The following FHIT variants were observed in gnomAD, a reference collection of about 807,000 sequenced individuals.
FHIT encodes bis(5'-adenosyl)-triphosphatase.
A neutral mutation model predicts 17.9 loss-of-function variants in FHIT; 19 were observed. The ratio of observed to expected loss-of-function variants is 1.06; its 90% CI spans 0.74 to 1.56. The LOEUF is 1.56. FHIT is among the 40% of genes most tolerant of loss of function. The pLI is 0.00. For synonymous variants in FHIT, 81 were observed against 69.7 expected, an observed-to-expected ratio of 1.16 and a Z score of -0.81; for missense variants, 248 against 189.2, an observed-to-expected ratio of 1.31 and a Z score of -1.82.
At chr3:60,365,523 A>G (rs1700073636) in intron 5 of FHIT, among the ~76,000 whole-genome samples, 1 of 152,192 alleles carries the variant, frequency 6.6e-6, no homozygotes, top group African/African-American at 2.4e-5. Flanking sequence ...ACTCATTAAA[A>G]CAACTTTCTT....
chr3:60,481,334 G>C (rs752308516), intron 5 of FHIT, among the ~76,000 whole-genome samples: 5 of 152,124 alleles, frequency 3.3e-5, no homozygotes, highest in Admixed American at 6.5e-5. Flanking sequence ...ACACCACTAA[G>C]ATACTCCAGA....
At chr3:60,796,231 C>T (rs782518427) in intron 4 of FHIT, among the ~76,000 whole-genome samples, 12 of 152,096 alleles carry the variant, frequency 7.9e-5, no homozygotes, top group East Asian at 1.9e-4. Context: ...GGGGACACAG[C>T]GAAACCATAT....
intron 5 of FHIT, among the ~76,000 whole-genome samples, chr3:60,483,569 G>A (rs532067848): frequency 1.3e-5 from 2 of 152,002 alleles, no homozygotes; most frequent in Admixed American, 1.3e-4. Context: ...CAGAACCAAA[G>A]ACAAAAACCA....
intron 5 of FHIT, among the ~76,000 whole-genome samples, chr3:60,407,067 A>ATTT (rs34542104): frequency 0.052 from 3,253 of 62,910 alleles, 418 homozygotes; most frequent in African/African-American, 0.15. Flanking sequence ...CCTGCCAATA[A>ATTT]TTTTTTTTTT....
chr3:60,604,213 CAT>C (rs1332964469), intron 4 of FHIT, among the ~76,000 whole-genome samples: 8 of 152,164 alleles, frequency 5.3e-5, no homozygotes, highest in East Asian at 3.9e-4. Flanking sequence ...AGAGAGAAAA[CAT>C]AAAGAGAAAA....
At chr3:60,309,310 A>G (rs566576818) in intron 5 of FHIT, among the ~76,000 whole-genome samples, 1 of 152,148 alleles carries the variant, frequency 6.6e-6, no homozygotes, top group East Asian at 1.9e-4. Flanking sequence ...GGATGGTTAG[A>G]GGCTCTGGGA....
intron 5 of FHIT, among the ~76,000 whole-genome samples, chr3:60,113,496 T>C (rs535832975): frequency 8.6e-5 from 13 of 151,932 alleles, no homozygotes; most frequent in African/African-American, 9.7e-5. Context: ...GTGTTACATC[T>C]ACTATGCGCC....
intron 3 of FHIT, among the ~76,000 whole-genome samples, chr3:60,991,807 A>C (rs573034752): frequency 2.0e-5 from 3 of 152,174 alleles, no homozygotes; most frequent in Non-Finnish European, 4.4e-5. Context: ...TGTTATTATT[A>C]TTATTATTAT....
chr3:61,240,560 T>TTGA (rs2040350149), intron 1 of FHIT, among the ~76,000 whole-genome samples: 1 of 152,182 alleles, frequency 6.6e-6, no homozygotes. Flanking sequence ...ACTCCTTCAA[T>TTGA]CTGCTGTAAA....
At chr3:60,581,190 C>A (rs1436940739) in intron 4 of FHIT, among the ~76,000 whole-genome samples, 1 of 152,084 alleles carries the variant, frequency 6.6e-6, no homozygotes, top group Non-Finnish European at 1.5e-5. Flanking sequence ...GCCAAGAATA[C>A]TGACAAGCAC....
intron 5 of FHIT, among the ~76,000 whole-genome samples, chr3:60,426,787 G>A (rs1315926001): frequency 6.6e-6 from 1 of 152,062 alleles, no homozygotes; most frequent in Non-Finnish European, 1.5e-5. Flanking sequence ...ACATCTCTTG[G>A]CATGCAGTAG....
chr3:60,612,162 T>C (rs1406723671), intron 4 of FHIT, among the ~76,000 whole-genome samples: 1 of 152,100 alleles, frequency 6.6e-6, no homozygotes, highest in African/African-American at 2.4e-5. Flanking sequence ...TTTAGTGAAG[T>C]GGTCAAAGAG....
At chr3:60,413,982 GTAC>G (rs1702156276) in intron 5 of FHIT, among the ~76,000 whole-genome samples, 2 of 152,078 alleles carry the variant, frequency 1.3e-5, no homozygotes, top group Non-Finnish European at 2.9e-5. Context: ...CAAAATTCAA[GTAC>G]AACAGAAATA....
At chr3:61,183,542 T>G (rs1188123449) in intron 2 of FHIT, among the ~76,000 whole-genome samples, 1 of 152,210 alleles carries the variant, frequency 6.6e-6, no homozygotes, top group Non-Finnish European at 1.5e-5. Context: ...TTACAAACTG[T>G]GCAATCTTGG....
At chr3:61,062,390 A>G (rs1222096298) in intron 2 of FHIT, among the ~76,000 whole-genome samples, 1 of 152,174 alleles carries the variant, frequency 6.6e-6, no homozygotes, top group Non-Finnish European at 1.5e-5. Context: ...CAATCTCAAA[A>G]TATCCTTTTG....
intron 4 of FHIT, among the ~76,000 whole-genome samples, chr3:60,722,270 A>C (rs1359294711): frequency 6.6e-6 from 1 of 152,262 alleles, no homozygotes; most frequent in African/African-American, 2.4e-5. Flanking sequence ...TTCTGCTTAC[A>C]GCATCCTTTA....
intron 5 of FHIT, among the ~76,000 whole-genome samples, chr3:60,076,009 T>C (rs1027549491): frequency 6.6e-6 from 1 of 152,154 alleles, no homozygotes; most frequent in Non-Finnish European, 1.5e-5. Context: ...TCTGCAATTG[T>C]TACTTGGGCT....
intron 8 of FHIT, among the ~76,000 whole-genome samples, chr3:59,799,454 G>A (rs1310024167): frequency 6.6e-6 from 1 of 152,196 alleles, no homozygotes; most frequent in Non-Finnish European, 1.5e-5. Flanking sequence ...AACAGGGATG[G>A]AAGAAATCTG....
chr3:60,175,817 C>G (rs1232327287), intron 5 of FHIT, among the ~76,000 whole-genome samples: 1 of 152,014 alleles, frequency 6.6e-6, no homozygotes, highest in Non-Finnish European at 1.5e-5. Flanking sequence ...TTGATATAAG[C>G]AGAAGACAGT....
Sources: gnomAD v4.1 joint callset for allele counts (sites outside exome capture counted in the v4.1 genomes callset) on GRCh38, gnomAD v4.1.1 for gene constraint, MANE v1.5 for transcripts, NCBI Gene and HGNC (gene_info 2026-07-23, HGNC 2026-07-21) for gene names.